The following ABCB5 variants were observed in gnomAD, a reference collection of about 807,000 sequenced individuals.
ABCB5 encodes the protein ATP binding cassette subfamily B member 5.
ABCB5 carries 155 observed loss-of-function variants against 144.2 expected under a neutral mutation model. That is an observed-to-expected ratio of 1.08 (90% CI 0.94 to 1.23). The LOEUF (loss-of-function observed/expected upper bound fraction) is 1.23, where lower values mean the gene tolerates loss of function less well. Ranked by LOEUF, ABCB5 falls within the 50% of genes most tolerant of loss-of-function variation. The pLI is 0.00. For missense variants in ABCB5, 1,830 were observed against 1,520.8 expected (o/e 1.20, Z -3.38); for synonymous variants, 610 against 528.6 (o/e 1.15, Z -2.11).
intron 13 of ABCB5, among the ~76,000 whole-genome samples, chr7:20,653,708 C>T (rs1022086274): frequency 9.2e-5 from 14 of 152,152 alleles, no homozygotes; most frequent in African/African-American, 2.9e-4. Context: ...AAGAAATCAC[C>T]TGTGGCGATG....
chr7:20,726,932 A>G (rs1281062653), intron 21 of ABCB5, 108 bp from the exon 22 acceptor site: 15 of 589,390 alleles, frequency 2.5e-5, no homozygotes, highest in Non-Finnish European at 4.1e-5. Context: ...AAACTTACTG[A>G]CTTGATATAC....
intron 14 of ABCB5, chr7:20,660,003 A>G: frequency 1.0e-6 from 1 of 985,532 alleles, no homozygotes; most frequent in Non-Finnish European, 1.2e-6. Context: ...AGATTTTAAA[A>G]AATGTATTGT....
chr7:20,654,943 A>T (rs1784723498), intron 13 of ABCB5, among the ~76,000 whole-genome samples: 1 of 152,086 alleles, frequency 6.6e-6, no homozygotes, highest in Non-Finnish European at 1.5e-5. Context: ...AAATTAACCC[A>T]AAACAAGCAA....
chr7:20,736,165 G>A lies in ABCB5; in HGVS notation c.2868-2818G>A, dbSNP rs564962652. On this transcript the variant is annotated intron_variant, in intron 23 of 27. Coordinates refer to ENST00000404938, the MANE Select transcript of ABCB5 (RefSeq NM_001163941.2). ...TTGGAAAGTTGTGATTTGACCTGCC[G>A]TGCTAATCTATTGCTACAGAAGTGT... 3.3e-5 allele frequency among the ~76,000 whole-genome samples: 5 copies of A among 152,188 alleles called. No individual in the cohort carries two copies. In the South Asian group the frequency reaches 8.3e-4, roughly 25 times the overall value.
intron 20 of ABCB5, among the ~76,000 whole-genome samples, chr7:20,705,282 G>A (rs1786783815): frequency 6.6e-6 from 1 of 152,108 alleles, no homozygotes; most frequent in African/African-American, 2.4e-5. Context: ...AAAGAATTGT[G>A]TAATCATGAC....
intron 16 of ABCB5, among the ~76,000 whole-genome samples, chr7:20,696,493 G>A (rs1054947748): frequency 2.6e-5 from 4 of 152,008 alleles, no homozygotes; most frequent in African/African-American, 9.7e-5. Flanking sequence ...TAATGGATAT[G>A]TTTATTATCT....
chr7:20,687,631 A>T (rs549033573), intron 16 of ABCB5, among the ~76,000 whole-genome samples: 1 of 152,352 alleles, frequency 6.6e-6, no homozygotes. Context: ...AAGAACCGAA[A>T]TAAGCTAAGG....
chr7:20,616,363 C>G (rs1783685200), intron 1 of ABCB5, among the ~76,000 whole-genome samples: 1 of 152,126 alleles, frequency 6.6e-6, no homozygotes, highest in Non-Finnish European at 1.5e-5. Flanking sequence ...ACCAAAGATC[C>G]CATGTTTTCC....
intron 14 of ABCB5, among the ~76,000 whole-genome samples, chr7:20,674,180 G>GA (rs1191358069): frequency 2.0e-5 from 3 of 151,880 alleles, no homozygotes; most frequent in East Asian, 3.9e-4. Context: ...TAGGTAATAA[G>GA]AAAAAATTAC....
chr7:20,711,511 G>C (rs1787031918), intron 20 of ABCB5, among the ~76,000 whole-genome samples: 1 of 145,800 alleles, frequency 6.9e-6, no homozygotes, highest in Non-Finnish European at 1.5e-5. Flanking sequence ...ATCCAGGCTG[G>C]AGTGCAGTGG....
At chr7:20,717,285 T>TA (rs1488919713) in intron 20 of ABCB5, among the ~76,000 whole-genome samples, 2 of 152,100 alleles carry the variant, frequency 1.3e-5, no homozygotes, top group African/African-American at 4.8e-5. Flanking sequence ...AGACATTCAT[T>TA]TCCTTACAGT....
intron 26 of ABCB5, 90 bp downstream of exon 26, chr7:20,745,528 T>C: frequency 8.9e-7 from 1 of 1,123,168 alleles, no homozygotes; most frequent in South Asian, 1.4e-5. Flanking sequence ...ATGTATTCCT[T>C]GGATTATACA....
intron 15 of ABCB5, among the ~76,000 whole-genome samples, chr7:20,682,316 G>A (rs1240806729): frequency 6.6e-6 from 1 of 152,130 alleles, no homozygotes; most frequent in Non-Finnish European, 1.5e-5. Flanking sequence ...TTAAAACTCA[G>A]CTACAGAGGC....
Position 20,756,808 on chromosome 7 carries a change from T to C in ABCB5, c.*1184T>C, listed in dbSNP as rs1054246651. 6.6e-6 allele frequency: 1 copy of C among 152,304 alleles called. No homozygotes were observed. Among genetic ancestry groups the C allele is most frequent in the African/African-American group, 2.4e-5 (1 of 41,436 alleles). The allele number at this position is 152,304 out of a possible 1,614,324, so 9.4% of individuals were successfully genotyped here. On this transcript the variant is annotated 3_prime_UTR_variant, in exon 28 of 28. Coordinates refer to ENST00000404938, the MANE Select transcript of ABCB5 (RefSeq NM_001163941.2). ...ACAATATTGGTAAAATGAGTTACAT[T>C]TTCAACTTACTTAAATATGTAATGT...
rs201925737 is a variant in ABCB5 at position 20,742,976 on chromosome 7, C to T, written c.3124C>T (p.Arg1042Ter). The T allele has an allele frequency of 9.9e-6, 16 of 1,613,926 alleles. No individual in the cohort carries two copies. Among genetic ancestry groups the T allele is most frequent in the African/African-American group, 2.7e-5 (2 of 74,914 alleles). Reference protein sequence around the residue: ...ILRGLSLSIERGKTVAFVGSS... With the variant: ...ILRGLSLSIE ...CCGTGGCTTATCCCTCAGTATTGAG[C>T]GAGGAAAGACAGTAGCATTTGTGGG... The change falls in exon 25 of 28, where the codon CGA (arginine) becomes TGA (stop). Residue 1042 changes from arginine (R) to a stop codon, truncating the protein, a stop_gained. Coordinates refer to ENST00000404938, the MANE Select transcript of ABCB5 (RefSeq NM_001163941.2). LOFTEE classifies it high-confidence loss of function.
intron 16 of ABCB5, among the ~76,000 whole-genome samples, chr7:20,694,648 G>A (rs1411928267): frequency 1.3e-5 from 2 of 151,978 alleles, no homozygotes; most frequent in African/African-American, 4.8e-5. Flanking sequence ...ATGTAGGAGT[G>A]TCTTTATTCA....
At chr7:20,721,427 G>A (rs1781863925) in intron 20 of ABCB5, among the ~76,000 whole-genome samples, 1 of 152,210 alleles carries the variant, frequency 6.6e-6, no homozygotes. Flanking sequence ...CCTAGTTAAA[G>A]TTGGCTAGTT....
intron 14 of ABCB5, among the ~76,000 whole-genome samples, chr7:20,679,128 T>C (rs566109298): frequency 6.6e-6 from 1 of 152,166 alleles, no homozygotes; most frequent in African/African-American, 2.4e-5. Context: ...TAAATTGGAC[T>C]TCATTAAAAT....
chr7:20,716,427 T>C (rs1781676743), intron 20 of ABCB5, among the ~76,000 whole-genome samples: 2 of 152,192 alleles, frequency 1.3e-5, no homozygotes, highest in Admixed American at 1.3e-4. Flanking sequence ...CATCACAATA[T>C]ATATAAATTT....
Sources: gnomAD v4.1 joint callset for allele counts (sites outside exome capture counted in the v4.1 genomes callset) on GRCh38, gnomAD v4.1.1 for gene constraint, MANE v1.5 for transcripts, NCBI Gene and HGNC (gene_info 2026-07-23, HGNC 2026-07-21) for gene names.